The following SLC22A31 variants were observed in gnomAD, a reference collection of about 807,000 sequenced individuals.
SLC22A31 encodes the protein solute carrier family 22 member 31.
Under a neutral mutation model 27.4 loss-of-function variants are expected in SLC22A31, and 42 were observed. The observed-to-expected ratio is 1.53, with a 90% CI of 1.20 to 1.98. The LOEUF (loss-of-function observed/expected upper bound fraction) is 1.98. Among genes scored for constraint, SLC22A31 ranks in the 30% most tolerant of loss-of-function variants. The pLI, the probability that SLC22A31 is intolerant of heterozygous loss-of-function variation, is 0.00. For synonymous variants in SLC22A31, 290 were observed against 230.8 expected (o/e 1.26, Z -2.33); for missense variants, 593 against 479.9 (o/e 1.24, Z -2.20).
chr16:89,198,115 A>G lies in SLC22A31; in HGVS notation c.922+7T>C, dbSNP rs1335273050. 1.3e-6 allele frequency: 2 copies of G among 1,504,648 alleles called. No homozygotes were observed. Among genetic ancestry groups the G allele is most frequent in the African/African-American group, 1.4e-5 (1 of 72,870 alleles). The allele number at this position is 1,504,648 out of a possible 1,614,324, so 93.2% of individuals were successfully genotyped here. A position where few individuals can be genotyped will look rare whatever the true frequency, so the allele number is the denominator to read the frequency against. ...CTCCTGTATGGCCTGCGGGGCCCCA[A>G]GCTCACACTGGGCCCCAGCGAGGAG... On this transcript the variant is annotated splice_region_variant and intron_variant, in intron 7 of 8. Transcript: ENST00000682282.
At chr16:89,200,629 T>G (rs1323170734), upstream of SLC22A31, among the ~76,000 whole-genome samples, 1 of 151,754 alleles carries the variant, frequency 6.6e-6, no homozygotes, top group African/African-American at 2.4e-5. Context: ...CCCGTTCCAG[T>G]TTCCACACTG....
Position 89,199,070 on chromosome 16 carries a change from C to G in SLC22A31, c.405G>C (p.Leu135=). ...LAALVQDWRL[L]QGLGALMSGL... is the part of the protein sequence containing the mutation. ...CACTCATCAGGGCACCCAGCCCCTG[C>G]AGAAGACGCCAGTCCTGCACAAGCG... Residue 135 remains leucine, a synonymous_variant, in exon 4 of 9, where the codon CTG becomes CTC. Transcript: ENST00000682282. The G allele has an allele frequency of 6.5e-7, 1 of 1,535,664 alleles. No homozygotes were observed. The highest frequency in any genetic ancestry group is 2.4e-5 in the East Asian group (1 of 40,906).
upstream of SLC22A31, chr16:89,201,454 C>A (rs1480316101): frequency 1.0e-5 from 4 of 390,646 alleles, no homozygotes; most frequent in Non-Finnish European, 1.8e-5. Flanking sequence ...ATGGCGGCGT[C>A]CAGCAGCGCG....
chr16:89,197,062 G>C (rs1695185066), intron 8 of SLC22A31, among the ~76,000 whole-genome samples: 1 of 152,024 alleles, frequency 6.6e-6, no homozygotes, highest in Non-Finnish European at 1.5e-5. Context: ...CTTCAGGCCT[G>C]CGTGGCCTTC....
At position 89,199,920 on chromosome 16, in the gene SLC22A31, C is replaced by T. The variant is rs540691260; in HGVS notation, c.25-104G>A. 1.2e-5 allele frequency: 5 copies of T among 400,182 alleles called. No individual in the cohort carries two copies. The South Asian group carries it at 6.5e-4, about 52-fold the overall frequency. 24.8% of individuals were successfully genotyped at this position (400,182 alleles called of 1,614,324 possible). A position where few individuals can be genotyped will look rare whatever the true frequency, so the allele number is the denominator to read the frequency against. ...ACTGGAAGGGGCCCTCCATGTCCTGCTCAATCCCTCCGTGGAGAGAAGGGG... is the reference window on the plus strand; with the variant it reads ...ACTGGAAGGGGCCCTCCATGTCCTGTTCAATCCCTCCGTGGAGAGAAGGGG... On this transcript the variant is annotated intron_variant, in intron 1 of 8. Coordinates refer to ENST00000682282, the MANE Select transcript of SLC22A31 (RefSeq NM_001384763.1).
In SLC22A31 at chr16:89,198,790, C is replaced by G. The variant is rs975276413; in HGVS notation, c.460G>C (p.Ala154Pro). 2.6e-6 allele frequency: 4 copies of G among 1,529,912 alleles called. No homozygotes were observed. The South Asian group carries it at 4.8e-5, about 18-fold the overall frequency. 94.8% of individuals were successfully genotyped at this position (1,529,912 alleles called of 1,614,324 possible). The change falls in exon 5 of 9, where the codon GCC becomes CCC. Residue 154 changes from alanine (A) to proline (P), a missense_variant. Coordinates refer to ENST00000682282, the MANE Select transcript of SLC22A31 (RefSeq NM_001384763.1). ...CAGCAGGGAGACTCGGGGAACAGGGCCGGGAACCTGCAGCGTTGGTGAGGA... is the reference window on the plus strand; with the variant it reads ...CAGCAGGGAGACTCGGGGAACAGGGGCGGGAACCTGCAGCGTTGGTGAGGA... ...GLLLLFWGFP[A>P]LFPESPCWLL...
rs1011960760 is a variant in SLC22A31, at chr16:89,196,306, C to T, written c.1035-1G>A. On this transcript the variant is annotated splice_acceptor_variant, in intron 8 of 8. Transcript: ENST00000682282. LOFTEE classifies it high-confidence loss of function. ...CAGCACCAGGCCCAGCCCGGCCCCC[C>T]TGTGGGACAGAGTGTGTTGGGGGCA... The T allele has an allele frequency of 4.1e-6, 6 of 1,462,928 alleles. No homozygotes were observed. The highest frequency in any genetic ancestry group is 4.5e-6 in the Non-Finnish European group (5 of 1,107,016). 90.6% of individuals were successfully genotyped at this position (1,462,928 alleles called of 1,614,324 possible). A position where few individuals can be genotyped will look rare whatever the true frequency, so the allele number is the denominator to read the frequency against.
intron 4 of SLC22A31, 47 bp from the exon 5 acceptor site, chr16:89,198,844 G>C (rs1916257884): frequency 6.6e-7 from 1 of 1,509,648 alleles, no homozygotes; most frequent in Non-Finnish European, 8.9e-7. Context: ...CCTCCTCCTG[G>C]AAGGAGAGGC....
Position 89,198,165 on chromosome 16 carries a change from C to T in SLC22A31, c.879G>A (p.Met293Ile). The T allele has an allele frequency of 1.3e-6, 2 of 1,535,184 alleles. No individual in the cohort carries two copies. Among genetic ancestry groups the T allele is most frequent in the East Asian group, 2.4e-5 (1 of 40,922 alleles). Residue 293 changes from methionine (M) to isoleucine (I), a missense_variant, in exon 7 of 9, where the codon ATG becomes ATA. Met to Ile is a conservative substitution (Grantham distance 10). Coordinates refer to ENST00000682282, the MANE Select transcript of SLC22A31 (RefSeq NM_001384763.1). ...GRRPVLLLGTMVTGLASLLLL... is the reference protein window; with the variant it reads ...GRRPVLLLGTIVTGLASLLLL... ...GCAGCAGGGATGCCAGGCCTGTGAC[C>T]ATGGTGCCCAGCAGCAGCACGGGGC...
intron 6 of SLC22A31, 21 bp downstream of exon 6, chr16:89,198,421 C>T: frequency 1.3e-6 from 2 of 1,520,426 alleles, no homozygotes; most frequent in African/African-American, 1.4e-5. Context: ...GGTGCAGGAC[C>T]CCAGCCCTTC....
rs765561947 is a variant in SLC22A31, at chr16:89,196,014, G to C, written c.1326C>G (p.Thr442=). ...PPSNSYWAGH[T]PEQH is the part of the protein sequence containing the mutation. ...CCAGGCAGGACTAGTGCTGCTCGGGGGTGTGGCCGGCCCAGTAGGAGTTGG... is the reference window on the plus strand; with the variant it reads ...CCAGGCAGGACTAGTGCTGCTCGGGCGTGTGGCCGGCCCAGTAGGAGTTGG... Residue 442 remains threonine, a synonymous_variant, in exon 9 of 9, where the codon ACC becomes ACG. Transcript: ENST00000682282. 1.3e-6 allele frequency: 2 copies of C among 1,513,668 alleles called. No individual in the cohort carries two copies. Among genetic ancestry groups the C allele is most frequent in the African/African-American group, 2.8e-5 (2 of 72,556 alleles). The allele number at this position is 1,513,668 out of a possible 1,614,324, so 93.8% of individuals were successfully genotyped here. A position where few individuals can be genotyped will look rare whatever the true frequency, so the allele number is the denominator to read the frequency against.
intron 7 of SLC22A31, 146 bp from the exon 8 acceptor site, chr16:89,197,555 G>T: frequency 1.6e-6 from 1 of 613,688 alleles, no homozygotes; most frequent in Non-Finnish European, 2.9e-6. Context: ...AACCTGGAGG[G>T]GGAACCTGTC....
At position 89,198,805 on chromosome 16, in the gene SLC22A31, G is replaced by A. The variant is rs1367070400; in HGVS notation, c.453-8C>T. 58 of 1,525,326 alleles carry A rather than the reference G, an allele frequency of 3.8e-5. No individual in the cohort carries two copies. The highest frequency in any genetic ancestry group is 2.5e-4 in the South Asian group (21 of 83,678). The allele number at this position is 1,525,326 out of a possible 1,614,324, so 94.5% of individuals were successfully genotyped here. On this transcript the variant is annotated splice_region_variant and splice_polypyrimidine_tract_variant and intron_variant, in intron 4 of 8. Transcript: ENST00000682282. ...GGGAACAGGGCCGGGAACCTGCAGCGTTGGTGAGGATGCCCACGGCTCCCT... is the reference window on the plus strand; with the variant it reads ...GGGAACAGGGCCGGGAACCTGCAGCATTGGTGAGGATGCCCACGGCTCCCT...
At position 89,199,413 on chromosome 16, in the gene SLC22A31, G is replaced by A. The variant is rs184407156; in HGVS notation, c.283C>T (p.Arg95Cys). The A allele has an allele frequency of 2.0e-3, 1,139 of 574,638 alleles. 3 individuals are homozygous for A. The highest frequency in any genetic ancestry group is 2.7e-3 in the Admixed American group (90 of 32,870). The allele number at this position is 574,638 out of a possible 1,614,324, so 35.6% of individuals were successfully genotyped here. The change falls in exon 3 of 9, where the codon CGC becomes TGC. Residue 95 changes from arginine to cysteine, a missense_variant and splice_region_variant. Arg to Cys is a radical substitution (Grantham distance 180, BLOSUM62 -3). Transcript: ENST00000682282. ...TGACAGCAGCCCCCAGGGTACTCAC[G>A]AGCCAGATACAGGGCGAGGAGGGCC... ...AGALLALYLA[R>C]LELCDPPHRL... is the part of the protein sequence containing the mutation.
rs1265181411 is a variant in SLC22A31, at chr16:89,198,126, G to A, written c.918C>T (p.Ala306=). ...CCTGCGGGGCCCCAAGCTCACACTG[G>A]GCCCCAGCGAGGAGCAGCAGGGATG... ...GLASLLLLAG[A]QYLPGWTVLF... Residue 306 remains alanine (A), a synonymous_variant, in exon 7 of 9, where the codon GCC becomes GCT. Transcript: ENST00000682282. The A allele has an allele frequency of 6.5e-7, 1 of 1,531,998 alleles. No homozygotes were observed. Among genetic ancestry groups the A allele is most frequent in the Non-Finnish European group, 8.7e-7 (1 of 1,146,520 alleles). The allele number at this position is 1,531,998 out of a possible 1,614,324, so 94.9% of individuals were successfully genotyped here.
chr16:89,198,348 A>G lies in SLC22A31; in HGVS notation c.708-12T>C, dbSNP rs1336336834. 12 of 1,535,626 alleles carry G rather than the reference A, an allele frequency of 7.8e-6. No homozygotes were observed. ...CTCCACCAACCAGCCTGGGAGAGAGAGCAAATCTATGGGCCCAGCCAGAGC... is the reference window on the plus strand; with the variant it reads ...CTCCACCAACCAGCCTGGGAGAGAGGGCAAATCTATGGGCCCAGCCAGAGC... On this transcript the variant is annotated splice_polypyrimidine_tract_variant and intron_variant, in intron 6 of 8. Coordinates refer to ENST00000682282, the MANE Select transcript of SLC22A31 (RefSeq NM_001384763.1).
intron 1 of SLC22A31, 129 bp from the exon 2 acceptor site, chr16:89,199,945 G>A: frequency 5.0e-6 from 2 of 399,162 alleles, no homozygotes; most frequent in Non-Finnish European, 4.4e-6. Context: ...GAGAGAAGGG[G>A]AAACTGAGGC....
Position 89,198,634 on chromosome 16 carries a change from C to A in SLC22A31, c.598+18G>T. 1 of 1,532,728 alleles carries A rather than the reference C, an allele frequency of 6.5e-7. No homozygotes were observed. The highest frequency in any genetic ancestry group is 2.0e-5 in the Admixed American group (1 of 50,928). 94.9% of individuals were successfully genotyped at this position (1,532,728 alleles called of 1,614,324 possible). A position where few individuals can be genotyped will look rare whatever the true frequency, so the allele number is the denominator to read the frequency against. On this transcript the variant is annotated intron_variant, in intron 5 of 8. Transcript: ENST00000682282. ...CCTCCAGTACCTGAATCTCCCTCCT[C>A]CCTGGTAGGCGCCTGACCTGTAGCC...
Position 89,198,732 on chromosome 16 carries a change from C to T in SLC22A31, c.518G>A (p.Arg173Lys). Residue 173 changes from arginine (R) to lysine (K), a missense_variant, in exon 5 of 9, where the codon AGG becomes AAG. Physicochemically the swap from Arg to Lys is conservative, Grantham distance 26. Coordinates refer to ENST00000682282, the MANE Select transcript of SLC22A31 (RefSeq NM_001384763.1). ...LLATGQVARA[R>K]KILWRFAEAS... ...TTCTGCAAAGCGCCACAGGATCTTC[C>T]TGGCTCGAGCTACCTGACCTGTGGC... 1 of 1,535,792 alleles carries T rather than the reference C, an allele frequency of 6.5e-7. No individual in the cohort carries two copies. Among genetic ancestry groups the T allele is most frequent in the Non-Finnish European group, 8.7e-7 (1 of 1,146,788 alleles).
Sources: allele counts gnomAD v4.1 joint callset (sites outside exome capture counted in the v4.1 genomes callset), GRCh38; gene constraint gnomAD v4.1.1; transcripts MANE v1.5; gene names NCBI Gene and HGNC (gene_info 2026-07-23, HGNC 2026-07-21).